The following FMNL2 variants were observed in gnomAD, a reference collection of about 807,000 sequenced individuals.
The protein encoded by FMNL2 is formin like 2.
FMNL2 carries 51 observed loss-of-function variants against 130.2 expected under a neutral mutation model. That is an observed-to-expected ratio of 0.39 (90% confidence interval 0.31 to 0.49). The LOEUF (loss-of-function observed/expected upper bound fraction) is 0.49. Ranked by LOEUF, FMNL2 falls within the 20% of genes least tolerant of loss-of-function variation. The pLI, the probability that FMNL2 is intolerant of heterozygous loss-of-function variation, is 0.85. For missense variants in FMNL2, 977 were observed against 1,316.2 expected, an observed-to-expected ratio of 0.74 and a Z score of 3.99; for synonymous variants, 465 against 467.1, an observed-to-expected ratio of 1.00 and a Z score of 0.06.
chr2:152,415,717 C>G (rs1012025697), intron 1 of FMNL2, among the ~76,000 whole-genome samples: 20 of 152,272 alleles, frequency 1.3e-4, no homozygotes, highest in African/African-American at 4.8e-4. Context: ...GTTGTGGGCT[C>G]CATGCTATGC....
At position 152,420,592 on chromosome 2, in the gene FMNL2, C is replaced by T. The variant is rs186418477; in HGVS notation, c.117+84872C>T. Among the ~76,000 whole-genome samples, 36 of 152,250 alleles carry T rather than the reference C, an allele frequency of 2.4e-4. 1 individual carries two copies. Among genetic ancestry groups the T allele is most frequent in the African/African-American group, 7.9e-4 (33 of 41,548 alleles). ...TGGGGCATTGGGTATCAATGGTGAG[C>T]TCATCTCTGTTTCAGGAAGGAGCTG... On this transcript the variant is annotated intron_variant, in intron 1 of 25. Coordinates refer to ENST00000288670, the MANE Select transcript of FMNL2 (RefSeq NM_052905.4).
At chr2:152,523,820 A>G (rs1693238772) in intron 2 of FMNL2, among the ~76,000 whole-genome samples, 1 of 152,208 alleles carries the variant, frequency 6.6e-6, no homozygotes, top group Non-Finnish European at 1.5e-5. Context: ...GTCTCCCTCA[A>G]GAGTAAGTTC....
chr2:152,375,877 C>CTCTCTCTCTATATATATATATATATA (rs796954245), intron 1 of FMNL2, among the ~76,000 whole-genome samples: 12 of 112,476 alleles, frequency 1.1e-4, no homozygotes, highest in East Asian at 5.4e-4. Context: ...CTCTCTCTCT[C>CTCTCTCTCTATATATATATATATATA]TATATATATA....
chr2:152,449,485 G>A (rs1382329779), intron 1 of FMNL2, among the ~76,000 whole-genome samples: 1 of 152,128 alleles, frequency 6.6e-6, no homozygotes, highest in East Asian at 1.9e-4. Flanking sequence ...GACTTGGGGG[G>A]CTCTCATCCT....
At chr2:152,508,875 T>G (rs1318383882) in intron 1 of FMNL2, among the ~76,000 whole-genome samples, 1 of 152,126 alleles carries the variant, frequency 6.6e-6, no homozygotes, top group African/African-American at 2.4e-5. Context: ...CTTGCATGCA[T>G]GCTTGCTTTT....
intron 1 of FMNL2, among the ~76,000 whole-genome samples, chr2:152,452,211 A>C (rs1482121341): frequency 6.6e-6 from 1 of 152,158 alleles, no homozygotes; most frequent in African/African-American, 2.4e-5. Context: ...AAGACAGTTG[A>C]GGGACTTGCG....
At chr2:152,485,122 G>A (rs533953314) in intron 1 of FMNL2, among the ~76,000 whole-genome samples, 1 of 152,250 alleles carries the variant, frequency 6.6e-6, no homozygotes, top group Admixed American at 6.5e-5. Context: ...AAGGTGGGAG[G>A]ATTGCATGAG....
At chr2:152,506,935 T>C (rs1393124174) in intron 1 of FMNL2, among the ~76,000 whole-genome samples, 1 of 152,240 alleles carries the variant, frequency 6.6e-6, no homozygotes, top group Non-Finnish European at 1.5e-5. Context: ...TGAATTCAGA[T>C]TGTGCACACA....
chr2:152,405,167 G>T (rs1170787982), intron 1 of FMNL2, among the ~76,000 whole-genome samples: 6 of 152,144 alleles, frequency 3.9e-5, no homozygotes, highest in African/African-American at 9.7e-5. Context: ...TTGTATGGAC[G>T]CTGGGGTTCT....
intron 1 of FMNL2, among the ~76,000 whole-genome samples, chr2:152,475,262 T>C (rs1690086428): frequency 1.3e-5 from 2 of 152,222 alleles, no homozygotes; most frequent in African/African-American, 4.8e-5. Flanking sequence ...ACATGCTTTG[T>C]AGCAGTTCAT....
intron 8 of FMNL2, 64 bp downstream of exon 8, chr2:152,579,028 C>T (rs1696630776): frequency 1.5e-6 from 2 of 1,316,670 alleles, no homozygotes; most frequent in African/African-American, 1.5e-5. Context: ...CTAGTCAACA[C>T]TTAACCAAGT....
chr2:152,424,958 G>A (rs1399412426), intron 1 of FMNL2, among the ~76,000 whole-genome samples: 1 of 152,188 alleles, frequency 6.6e-6, no homozygotes, highest in Non-Finnish European at 1.5e-5. Flanking sequence ...ATTGATACAA[G>A]GGCGCTGAGT....
At chr2:152,557,185 T>C (rs936443289) in intron 4 of FMNL2, among the ~76,000 whole-genome samples, 6 of 152,100 alleles carry the variant, frequency 3.9e-5, no homozygotes, top group African/African-American at 1.4e-4. Context: ...AAATAAAAAA[T>C]AAGTATCTAG....
chr2:152,611,659 T>C, intron 11 of FMNL2, 54 bp downstream of exon 11: 1 of 1,181,420 alleles, frequency 8.5e-7, no homozygotes, highest in Admixed American at 2.0e-5. Flanking sequence ...TATTATTGCC[T>C]GCCCTCAAAG....
intron 17 of FMNL2, among the ~76,000 whole-genome samples, chr2:152,627,359 A>G (rs1681861222): frequency 6.6e-6 from 1 of 152,226 alleles, no homozygotes; most frequent in South Asian, 2.1e-4. Context: ...GAATCCTTCT[A>G]TTCTTCTTGT....
At chr2:152,497,921 G>A (rs914445921) in intron 1 of FMNL2, among the ~76,000 whole-genome samples, 5 of 152,162 alleles carry the variant, frequency 3.3e-5, no homozygotes, top group African/African-American at 7.2e-5. Flanking sequence ...CATTGCTTGC[G>A]GTGGTTGCAC....
intron 9 of FMNL2, among the ~76,000 whole-genome samples, chr2:152,581,800 G>A (rs1344717880): frequency 6.6e-6 from 1 of 152,198 alleles, no homozygotes. Context: ...AGTCCTTAGA[G>A]AACAGGTGGA....
intron 9 of FMNL2, among the ~76,000 whole-genome samples, chr2:152,605,484 G>A (rs1320355202): frequency 1.3e-5 from 2 of 151,984 alleles, no homozygotes; most frequent in East Asian, 3.9e-4. Flanking sequence ...GCACCTGTCT[G>A]ATTTTTTAAT....
At chr2:152,381,141 A>T (rs1033751800) in intron 1 of FMNL2, among the ~76,000 whole-genome samples, 1 of 152,232 alleles carries the variant, frequency 6.6e-6, no homozygotes, top group African/African-American at 2.4e-5. Context: ...CATATTTGTT[A>T]TCAGAGTTTG....
Sources: gnomAD v4.1 joint callset for allele counts (sites outside exome capture counted in the v4.1 genomes callset) on GRCh38, gnomAD v4.1.1 for gene constraint, MANE v1.5 for transcripts, NCBI Gene and HGNC (gene_info 2026-07-23, HGNC 2026-07-21) for gene names.